Variants in SLC38A9 observed in about 807,000 individuals in gnomAD.
SLC38A9 encodes the protein solute carrier family 38 member 9.
Under a neutral mutation model 62.3 loss-of-function variants are expected in SLC38A9, and 48 were observed. The ratio of observed to expected loss-of-function variants is 0.77; its 90% CI spans 0.61 to 0.98. The LOEUF (loss-of-function observed/expected upper bound fraction) is 0.98, where lower values mean the gene tolerates loss of function less well. SLC38A9 is among the 50% of genes least tolerant of loss of function. SLC38A9 has a pLI of 0.00. For synonymous variants in SLC38A9, 204 were observed against 227.7 expected (o/e 0.90, Z 0.94); for missense variants, 541 against 679.8 (o/e 0.80, Z 2.27).
At chr5:55,678,821 G>C (rs1186652890) in intron 3 of SLC38A9, among the ~76,000 whole-genome samples, 1 of 151,286 alleles carries the variant, frequency 6.6e-6, no homozygotes, top group Non-Finnish European at 1.5e-5. Context: ...CCACATGCCT[G>C]ATTAATTTTT....
chr5:55,631,267 T>G (rs1327826673), intron 14 of SLC38A9, among the ~76,000 whole-genome samples: 2 of 152,150 alleles, frequency 1.3e-5, no homozygotes, highest in African/African-American at 4.8e-5. Context: ...GACCAAAAAT[T>G]ATGCTCCAAA....
chr5:55,693,343 C>T (rs1755001127), intron 3 of SLC38A9: 1 of 151,474 alleles, frequency 6.6e-6, no homozygotes, highest in South Asian at 2.1e-4. Context: ...AAGACTTGTT[C>T]CATTTTGATA....
intron 12 of SLC38A9, among the ~76,000 whole-genome samples, chr5:55,641,640 T>G (rs573751712): frequency 1.4e-4 from 22 of 152,358 alleles, no homozygotes; most frequent in African/African-American, 4.6e-4. Flanking sequence ...AGCACTTTGT[T>G]TGACAATTCC....
intron 2 of SLC38A9, among the ~76,000 whole-genome samples, chr5:55,705,749 C>A (rs1278057336): frequency 6.6e-6 from 1 of 151,690 alleles, no homozygotes; most frequent in South Asian, 2.1e-4. Context: ...GCTCTGTCAC[C>A]CAGGCTGGAG....
chr5:55,681,632 T>C (rs1753020681), intron 3 of SLC38A9, among the ~76,000 whole-genome samples: 1 of 152,180 alleles, frequency 6.6e-6, no homozygotes, highest in Admixed American at 6.5e-5. Context: ...TTATTAGAAC[T>C]GTGGGGGTAG....
At chr5:55,703,270 A>G (rs539879582) in intron 2 of SLC38A9, among the ~76,000 whole-genome samples, 1 of 152,312 alleles carries the variant, frequency 6.6e-6, no homozygotes, top group South Asian at 2.1e-4. Flanking sequence ...GAATAATAAA[A>G]CATATTAGGA....
chr5:55,710,067 C>CAAAAAAAAAAAAAAAAAAAAAAAA (rs1174162436), intron 2 of SLC38A9, among the ~76,000 whole-genome samples: 2 of 20,882 alleles, frequency 9.6e-5, no homozygotes, highest in African/African-American at 1.3e-4. Context: ...GACTCCATCT[C>CAAAAAAAAAAAAAAAAAAAAAAAA]AAAAAAAAAA....
intron 3 of SLC38A9, among the ~76,000 whole-genome samples, chr5:55,697,554 A>G (rs1390117650): frequency 2.0e-5 from 3 of 152,012 alleles, no homozygotes; most frequent in African/African-American, 7.2e-5. Flanking sequence ...CCTTGCGCAA[A>G]GTGGGTAATC....
intron 15 of SLC38A9, among the ~76,000 whole-genome samples, chr5:55,627,109 T>A (rs573495690): frequency 6.6e-6 from 1 of 152,300 alleles, no homozygotes; most frequent in South Asian, 2.1e-4. Flanking sequence ...ACAAAAATAC[T>A]TAAACATGAG....
At chr5:55,677,215 C>T (rs1485500892) in intron 3 of SLC38A9, among the ~76,000 whole-genome samples, 1 of 152,158 alleles carries the variant, frequency 6.6e-6, no homozygotes, top group African/African-American at 2.4e-5. Flanking sequence ...AAATACTCAA[C>T]ATACTTCAAA....
chr5:55,697,947 C>T lies in SLC38A9; in HGVS notation c.12G>A (p.Met4Ile), dbSNP rs549934123. ...TGCCAAGATGCCTAGAATCACTATT[C>T]ATATTTGCCATTTTTCTCACACTCT... is the stretch of plus-strand genomic sequence containing the variant. MANMNSDSRHLGTS... is the reference protein window; with the variant it reads MANINSDSRHLGTS... Residue 4 changes from methionine (M) to isoleucine (I), a missense_variant, in exon 3 of 16, where the codon ATG (methionine) becomes ATA (isoleucine). Transcript: ENST00000396865. 5.0e-6 allele frequency: 8 copies of T among 1,587,528 alleles called. No individual in the cohort carries two copies. The highest frequency in any genetic ancestry group is 1.8e-5 in the Admixed American group (1 of 56,486).
intron 9 of SLC38A9, among the ~76,000 whole-genome samples, chr5:55,653,629 T>C (rs1747908528): frequency 6.6e-6 from 1 of 151,834 alleles, no homozygotes; most frequent in African/African-American, 2.4e-5. Flanking sequence ...CCAGATGGTA[T>C]CCAGATGACT....
At chr5:55,663,463 C>T (rs758808883) in intron 8 of SLC38A9, among the ~76,000 whole-genome samples, 5 of 151,864 alleles carry the variant, frequency 3.3e-5, no homozygotes, top group East Asian at 3.9e-4. Flanking sequence ...GGGCCAGGTG[C>T]GGTGGCTCAT....
intron 3 of SLC38A9, chr5:55,694,007 C>G (rs66827339): frequency 6.5e-6 from 1 of 154,532 alleles, no homozygotes; most frequent in South Asian, 2.0e-4. Context: ...TCAAGACCAG[C>G]CCCAGTAACA....
intron 3 of SLC38A9, chr5:55,675,452 A>C (rs867794273): frequency 0.31 from 24 of 78 alleles, no homozygotes; most frequent in South Asian, 0.5. Context: ...AGAAGAAAAA[A>C]TATAACTATA....
chr5:55,699,264 A>T (rs1003953140), intron 2 of SLC38A9, among the ~76,000 whole-genome samples: 1 of 152,178 alleles, frequency 6.6e-6, no homozygotes, highest in Non-Finnish European at 1.5e-5. Context: ...AAAAAAATAA[A>T]TAAAAAAACA....
intron 4 of SLC38A9, among the ~76,000 whole-genome samples, chr5:55,671,650 C>A (rs937245776): frequency 6.6e-6 from 1 of 151,926 alleles, no homozygotes; most frequent in African/African-American, 2.4e-5. Flanking sequence ...GAGTTCAAGA[C>A]CAGCCTGGCC....
chr5:55,704,401 A>T (rs770588977), intron 2 of SLC38A9: 1 of 152,214 alleles, frequency 6.6e-6, no homozygotes, highest in East Asian at 1.9e-4. Context: ...AAAAAGAATA[A>T]CACAGAACTT....
In SLC38A9 at chr5:55,636,217, C is replaced by T. The variant is rs1744379905; in HGVS notation, c.1168-560G>A. Reference sequence around the variant, plus strand: ...TAAAGACAAGCTTAATAAATCTAAACAGTAAACAAAAGGAAATCAAAAGGC... The same window carrying T: ...TAAAGACAAGCTTAATAAATCTAAATAGTAAACAAAAGGAAATCAAAAGGC... On this transcript the variant is annotated intron_variant, in intron 12 of 15. Coordinates refer to ENST00000396865, the MANE Select transcript of SLC38A9 (RefSeq NM_173514.4). Among the ~76,000 whole-genome samples, 2 of 152,174 alleles carry T rather than the reference C, an allele frequency of 1.3e-5. 1 individual carries two copies. Among genetic ancestry groups the T allele is most frequent in the South Asian group, 4.1e-4 (2 of 4,834 alleles).
Sources: gnomAD v4.1 joint callset for allele counts (sites outside exome capture counted in the v4.1 genomes callset) on GRCh38, gnomAD v4.1.1 for gene constraint, MANE v1.5 for transcripts, NCBI Gene and HGNC (gene_info 2026-07-23, HGNC 2026-07-21) for gene names.